The following FAP variants were observed in gnomAD, a reference collection of about 807,000 sequenced individuals.
FAP encodes fibroblast activation protein alpha, also known as prolyl endopeptidase FAP.
A neutral mutation model predicts 126.5 loss-of-function variants in FAP; 110 were observed. That is an observed-to-expected ratio of 0.87 (90% confidence interval 0.74 to 1.02). FAP has a LOEUF of 1.02. Ranked by LOEUF, FAP falls within the 50% of genes least tolerant of loss-of-function variation. FAP has a pLI of 0.00. For synonymous variants in FAP, 334 were observed against 297.3 expected (o/e 1.12, Z -1.27); for missense variants, 919 against 909.2 (o/e 1.01, Z -0.14).
intron 21 of FAP, among the ~76,000 whole-genome samples, chr2:162,179,857 G>A (rs1311259559): frequency 1.4e-5 from 2 of 146,996 alleles, no homozygotes; most frequent in African/African-American, 2.5e-5. Flanking sequence ...TGCCCAGGCT[G>A]GAGTACAATG....
intron 2 of FAP, among the ~76,000 whole-genome samples, chr2:162,242,643 G>GGGGT (rs753971072): frequency 6.6e-6 from 1 of 151,986 alleles, no homozygotes; most frequent in African/African-American, 2.4e-5. Flanking sequence ...TATATTTTTG[G>GGGGT]GGGTTGTGGG....
chr2:162,196,822 A>C (rs547950766), intron 16 of FAP, among the ~76,000 whole-genome samples: 2 of 152,312 alleles, frequency 1.3e-5, no homozygotes, highest in Admixed American at 1.3e-4. Flanking sequence ...GAGCTTCAAA[A>C]ACACCAGACG....
intron 1 of FAP, 139 bp from the exon 2 acceptor site, chr2:162,243,131 G>A: frequency 1.2e-6 from 1 of 828,066 alleles, no homozygotes; most frequent in East Asian, 2.6e-5. Flanking sequence ...GGCTATAATT[G>A]CTGGAATTCT....
intron 25 of FAP, 146 bp downstream of exon 25, chr2:162,172,665 G>T (rs1449522479): frequency 1.7e-6 from 1 of 596,914 alleles, no homozygotes; most frequent in East Asian, 2.8e-5. Flanking sequence ...AAAGATCCAA[G>T]ATTCATTTGC....
At chr2:162,225,393 A>T (rs779658608) in intron 4 of FAP, 90 bp downstream of exon 4, 11 of 1,504,040 alleles carry the variant, frequency 7.3e-6, no homozygotes, top group Non-Finnish European at 9.0e-6. Flanking sequence ...AGTTGTGTCC[A>T]GATCAGGTGC....
chr2:162,217,176 C>T (rs867599898), intron 9 of FAP, among the ~76,000 whole-genome samples: 1 of 152,200 alleles, frequency 6.6e-6, no homozygotes, highest in African/African-American at 2.4e-5. Flanking sequence ...CACATCCAAC[C>T]GTCTTTGTCA....
At chr2:162,198,655 C>A in intron 16 of FAP, 102 bp downstream of exon 16, 1 of 1,340,046 alleles carries the variant, frequency 7.5e-7, no homozygotes, top group Admixed American at 2.0e-5. Flanking sequence ...TTACATATAA[C>A]AAATGCTCAT....
chr2:162,232,217 T>C (rs1689929274), intron 2 of FAP, among the ~76,000 whole-genome samples: 3 of 152,262 alleles, frequency 2.0e-5, no homozygotes, highest in African/African-American at 7.2e-5. Flanking sequence ...TATAAGTTCT[T>C]GTACATACCA....
At chr2:162,176,863 C>A (rs975243889) in intron 21 of FAP, among the ~76,000 whole-genome samples, 2 of 151,890 alleles carry the variant, frequency 1.3e-5, no homozygotes, top group Non-Finnish European at 2.9e-5. Context: ...TAATCTGTAT[C>A]TATTCAGTCA....
At chr2:162,229,984 A>G (rs759016343) in intron 2 of FAP, among the ~76,000 whole-genome samples, 6 of 152,312 alleles carry the variant, frequency 3.9e-5, no homozygotes, top group South Asian at 4.1e-4. Context: ...CAGATAAGCC[A>G]GCTACATGTA....
chr2:162,202,849 A>G (rs1688548488), intron 14 of FAP, 23 bp downstream of exon 14: 1 of 1,589,364 alleles, frequency 6.3e-7, no homozygotes. Context: ...TGAATGGTGC[A>G]TCGTGCTTCG....
Position 162,188,047 on chromosome 2 carries a change from G to A in FAP, c.1814+122C>T, listed in dbSNP as rs1318281801. ...AAATACCTCTTTAAGATTAGTGATA[G>A]TTTTAGACCAAGTTAGAAAAAGAAA... is the stretch of plus-strand genomic sequence containing the variant. On this transcript the variant is annotated intron_variant, in intron 20 of 25. Transcript: ENST00000188790. 8 of 807,464 alleles carry A rather than the reference G, an allele frequency of 9.9e-6. No individual in the cohort carries two copies. The Admixed American group carries it at 2.0e-4, about 21-fold the overall frequency. 50.0% of individuals were successfully genotyped at this position (807,464 alleles called of 1,614,324 possible).
intron 2 of FAP, among the ~76,000 whole-genome samples, chr2:162,241,298 T>C (rs1690334773): frequency 6.6e-6 from 1 of 152,208 alleles, no homozygotes; most frequent in African/African-American, 2.4e-5. Flanking sequence ...TTATACTATA[T>C]ATAGTTTACG....
chr2:162,177,673 G>C (rs997766727), intron 21 of FAP, among the ~76,000 whole-genome samples: 1 of 151,906 alleles, frequency 6.6e-6, no homozygotes, highest in Non-Finnish European at 1.5e-5. Context: ...TTTCCATAGC[G>C]CTTAACGTCA....
At chr2:162,241,090 G>C (rs3788968) in intron 2 of FAP, among the ~76,000 whole-genome samples, 7,760 of 152,192 alleles carry the variant, frequency 0.051, 558 homozygotes, top group Admixed American at 0.22. Context: ...AAATTTAGAA[G>C]AGAAAGAGAA....
intron 21 of FAP, among the ~76,000 whole-genome samples, chr2:162,176,987 G>A (rs1422467169): frequency 6.6e-6 from 1 of 152,038 alleles, no homozygotes; most frequent in African/African-American, 2.4e-5. Flanking sequence ...AACAAAAGAA[G>A]GTGTACTTTA....
At chr2:162,224,677 T>G (rs1689561820) in intron 4 of FAP, 137 bp from the exon 5 acceptor site, 3 of 519,432 alleles carry the variant, frequency 5.8e-6, no homozygotes, top group Non-Finnish European at 1.0e-5. Flanking sequence ...AAAAATATTT[T>G]GTGGAACTTA....
intron 21 of FAP, among the ~76,000 whole-genome samples, chr2:162,180,387 T>C (rs1449730784): frequency 1.3e-5 from 2 of 152,178 alleles, no homozygotes; most frequent in Non-Finnish European, 2.9e-5. Context: ...CTGTGGTCCA[T>C]GGACCCAAAC....
chr2:162,172,555 C>A (rs1576127301), intron 25 of FAP: 1 of 392,700 alleles, frequency 2.5e-6, no homozygotes, highest in Middle Eastern at 7.5e-4. Flanking sequence ...GATGTTTGAA[C>A]TAGAAGATCA....
Sources: allele counts gnomAD v4.1 joint callset (sites outside exome capture counted in the v4.1 genomes callset), GRCh38; gene constraint gnomAD v4.1.1; transcripts MANE v1.5; gene names NCBI Gene and HGNC (gene_info 2026-07-23, HGNC 2026-07-21).